The following ARFIP1 variants were observed in gnomAD, a reference collection of about 807,000 sequenced individuals.
The protein encoded by ARFIP1 is arfaptin-1.
ARFIP1 carries 24 observed loss-of-function variants against 42.5 expected under a neutral mutation model. That is an observed-to-expected ratio of 0.57 (90% CI 0.41 to 0.80). ARFIP1 has a LOEUF of 0.80. Among genes scored for constraint, ARFIP1 ranks in the 30% least tolerant of loss-of-function variants. The pLI, the probability that ARFIP1 is intolerant of heterozygous loss-of-function variation, is 0.00. For synonymous variants in ARFIP1, 141 were observed against 153.7 expected, an observed-to-expected ratio of 0.92 and a Z score of 0.61; for missense variants, 354 against 434.0, an observed-to-expected ratio of 0.82 and a Z score of 1.64.
At chr4:152,891,445 A>G (rs1232211343) in intron 8 of ARFIP1, among the ~76,000 whole-genome samples, 1 of 152,186 alleles carries the variant, frequency 6.6e-6, no homozygotes, top group Non-Finnish European at 1.5e-5. Flanking sequence ...ACAGAGATCC[A>G]TGAGAGAACT....
At chr4:152,883,115 G>A in intron 7 of ARFIP1, 1 of 441,998 alleles carries the variant, frequency 2.3e-6, no homozygotes, top group Non-Finnish European at 4.0e-6. Flanking sequence ...GAACCCCTAT[G>A]CTGGGTGCCT....
chr4:152,905,847 C>G (rs1305917883), intron 8 of ARFIP1, among the ~76,000 whole-genome samples: 1 of 152,034 alleles, frequency 6.6e-6, no homozygotes, highest in Non-Finnish European at 1.5e-5. Flanking sequence ...GCCACCGTGC[C>G]TGGCCAAGAA....
intron 2 of ARFIP1, among the ~76,000 whole-genome samples, chr4:152,855,024 G>A (rs1733308117): frequency 6.6e-6 from 1 of 152,200 alleles, no homozygotes. Context: ...GCATAGCATG[G>A]GCAATGGCAG....
chr4:152,796,423 C>T, intron 1 of ARFIP1: 1 of 742,534 alleles, frequency 1.3e-6, no homozygotes, highest in South Asian at 1.5e-5. Flanking sequence ...TCTTCTTTCT[C>T]TTTCCTGTTT....
intron 1 of ARFIP1, among the ~76,000 whole-genome samples, chr4:152,804,501 A>AT (rs1728852044): frequency 2.1e-5 from 2 of 93,356 alleles, no homozygotes; most frequent in East Asian, 3.0e-4. Context: ...TATATATATA[A>AT]TATATATATA....
At chr4:152,841,306 T>C (rs551269278) in intron 2 of ARFIP1, among the ~76,000 whole-genome samples, 1 of 152,334 alleles carries the variant, frequency 6.6e-6, no homozygotes, top group South Asian at 2.1e-4. Flanking sequence ...AATGCTGGGA[T>C]TACAGGCATG....
chr4:152,823,611 T>C (rs1057394094), intron 1 of ARFIP1, among the ~76,000 whole-genome samples: 2 of 151,478 alleles, frequency 1.3e-5, no homozygotes, highest in African/African-American at 4.9e-5. Context: ...AAACCCCGTC[T>C]CTACTAAAAA....
intron 1 of ARFIP1, among the ~76,000 whole-genome samples, chr4:152,799,377 C>T (rs947392973): frequency 6.6e-6 from 1 of 152,140 alleles, no homozygotes; most frequent in Admixed American, 6.5e-5. Context: ...ATGGGGTTTT[C>T]TGTCTCCAGT....
chr4:152,788,015 T>A (rs1014828502), intron 1 of ARFIP1, among the ~76,000 whole-genome samples: 2 of 151,980 alleles, frequency 1.3e-5, no homozygotes, highest in African/African-American at 4.8e-5. Context: ...CACTTGAGGT[T>A]GGGAGTTCAA....
intron 8 of ARFIP1, among the ~76,000 whole-genome samples, chr4:152,889,512 T>TG (rs2149898059): frequency 1.4e-5 from 1 of 72,712 alleles, no homozygotes; most frequent in African/African-American, 4.6e-5. Flanking sequence ...TATATATATA[T>TG]ATATATATAT....
chr4:152,903,132 T>A (rs1737988321), intron 8 of ARFIP1, among the ~76,000 whole-genome samples: 1 of 152,316 alleles, frequency 6.6e-6, no homozygotes, highest in Non-Finnish European at 1.5e-5. Flanking sequence ...CAGAATGGCA[T>A]TGAGGACATT....
At chr4:152,799,732 A>G (rs1229112437) in intron 1 of ARFIP1, among the ~76,000 whole-genome samples, 3 of 146,568 alleles carry the variant, frequency 2.0e-5, no homozygotes, top group Non-Finnish European at 4.4e-5. Context: ...CTCTGAATCT[A>G]TCCTGTTGAG....
chr4:152,908,164 T>C (rs571423769), intron 8 of ARFIP1, among the ~76,000 whole-genome samples: 1 of 152,326 alleles, frequency 6.6e-6, no homozygotes, highest in East Asian at 1.9e-4. Context: ...TGTTTATCTG[T>C]GTTATTTGCT....
intron 8 of ARFIP1, among the ~76,000 whole-genome samples, chr4:152,896,521 TAAGAA>T (rs1737342112): frequency 6.6e-6 from 1 of 152,096 alleles, no homozygotes; most frequent in Non-Finnish European, 1.5e-5. Flanking sequence ...ATCTTGTATG[TAAGAA>T]AAGAAGGAAG....
chr4:152,875,009 C>T (rs1735205058), intron 5 of ARFIP1, among the ~76,000 whole-genome samples: 1 of 152,060 alleles, frequency 6.6e-6, no homozygotes, highest in Non-Finnish European at 1.5e-5. Flanking sequence ...GTCTTTGGTC[C>T]TCTCTCTTTC....
chr4:152,858,211 G>A (rs1358871044), intron 2 of ARFIP1, among the ~76,000 whole-genome samples: 1 of 152,154 alleles, frequency 6.6e-6, no homozygotes, highest in Admixed American at 6.5e-5. Flanking sequence ...TGGATGGCTC[G>A]AGCCCAGGGG....
chr4:152,881,934 G>T (rs549532269), intron 6 of ARFIP1, among the ~76,000 whole-genome samples: 2 of 152,240 alleles, frequency 1.3e-5, no homozygotes, highest in East Asian at 3.9e-4. Context: ...AAATTGAAAA[G>T]TGTTTTGTAA....
chr4:152,872,375 G>C, intron 4 of ARFIP1, 77 bp from the exon 5 acceptor site: 1 of 932,672 alleles, frequency 1.1e-6, no homozygotes, highest in South Asian at 1.6e-5. Flanking sequence ...ATTTCAATTT[G>C]AACAATATCA....
At chr4:152,877,097 A>T (rs552755510) in intron 5 of ARFIP1, among the ~76,000 whole-genome samples, 8 of 152,174 alleles carry the variant, frequency 5.3e-5, no homozygotes, top group Non-Finnish European at 7.4e-5. Flanking sequence ...CAGAGTCCCT[A>T]CTGGGGCACC....
Sources: allele counts gnomAD v4.1 joint callset (sites outside exome capture counted in the v4.1 genomes callset), GRCh38; gene constraint gnomAD v4.1.1; transcripts MANE v1.5; gene names NCBI Gene and HGNC (gene_info 2026-07-23, HGNC 2026-07-21).